ROBO2: variants seen among roughly 807,000 people sequenced by gnomAD.
ROBO2 encodes the protein roundabout homolog 2.
In ROBO2, 53 loss-of-function variants were observed where a neutral mutation model predicts 160.8. The observed-to-expected ratio is 0.33, with a 90% CI of 0.26 to 0.41. The LOEUF is 0.41. ROBO2 is among the 10% of genes least tolerant of loss of function. The pLI is 1.00. For missense variants in ROBO2, 1,577 were observed against 1,722.4 expected (o/e 0.92, Z 1.49); for synonymous variants, 664 against 611.7 (o/e 1.09, Z -1.26).
chr3:77,196,373 A>G (rs11918302), intron 2 of ROBO2, among the ~76,000 whole-genome samples: 1,903 of 151,326 alleles, frequency 0.013, 37 homozygotes, highest in African/African-American at 0.043. Context: ...AGAACAGAGA[A>G]TTCGCAAACC....
chr3:75,962,126 C>G (rs1948938469), intron 2 of ROBO2, among the ~76,000 whole-genome samples: 1 of 151,240 alleles, frequency 6.6e-6, no homozygotes, highest in African/African-American at 2.4e-5. Flanking sequence ...AGAGAAGTTT[C>G]TAATAATTCT....
chr3:76,540,648 T>C (rs564168084), intron 2 of ROBO2, among the ~76,000 whole-genome samples: 187 of 152,322 alleles, frequency 1.2e-3, no homozygotes, highest in African/African-American at 4.3e-3. Flanking sequence ...AGGTAGTCCA[T>C]GCAGTGAACA....
At chr3:76,390,355 ATAAAC>A (rs2077089862) in intron 2 of ROBO2, among the ~76,000 whole-genome samples, 1 of 152,136 alleles carries the variant, frequency 6.6e-6, no homozygotes, top group African/African-American at 2.4e-5. Flanking sequence ...AACTATATAT[ATAAAC>A]TATTCTGTAT....
At chr3:76,646,652 T>A (rs2090983742) in intron 2 of ROBO2, among the ~76,000 whole-genome samples, 1 of 152,164 alleles carries the variant, frequency 6.6e-6, no homozygotes, top group Non-Finnish European at 1.5e-5. Context: ...AAAGTTTCCA[T>A]GATATACATG....
intron 2 of ROBO2, among the ~76,000 whole-genome samples, chr3:76,044,599 A>G (rs757464314): frequency 7.9e-5 from 12 of 151,882 alleles, no homozygotes; most frequent in Non-Finnish European, 1.6e-4. Flanking sequence ...TTTTGTTTCT[A>G]TTATGCCCCA....
intron 2 of ROBO2, among the ~76,000 whole-genome samples, chr3:76,494,736 T>C (rs1371828743): frequency 6.6e-6 from 1 of 152,184 alleles, no homozygotes; most frequent in Non-Finnish European, 1.5e-5. Flanking sequence ...CTGTTACTCT[T>C]GTGCTGTAAT....
chr3:75,981,586 G>C (rs201856291), intron 2 of ROBO2, among the ~76,000 whole-genome samples: 1 of 10,138 alleles, frequency 9.9e-5, no homozygotes, highest in African/African-American at 1.4e-4. Flanking sequence ...GTAACAAACT[G>C]TAATATAAAA....
chr3:76,118,769 A>G (rs1156847999), intron 2 of ROBO2, among the ~76,000 whole-genome samples: 1 of 152,126 alleles, frequency 6.6e-6, no homozygotes, highest in Non-Finnish European at 1.5e-5. Context: ...GCAATTTATG[A>G]TTTCCTTCAA....
At chr3:76,506,922 C>T (rs1259511766) in intron 2 of ROBO2, among the ~76,000 whole-genome samples, 1 of 152,064 alleles carries the variant, frequency 6.6e-6, no homozygotes, top group Non-Finnish European at 1.5e-5. Context: ...TTATTTTTGA[C>T]AATCTTAGTC....
intron 2 of ROBO2, among the ~76,000 whole-genome samples, chr3:76,576,203 G>T (rs957625673): frequency 1.3e-5 from 2 of 152,058 alleles, no homozygotes; most frequent in Non-Finnish European, 2.9e-5. Context: ...AACTTTTGTT[G>T]AATTTCTTAG....
At chr3:76,182,636 C>T (rs546667572) in intron 2 of ROBO2, among the ~76,000 whole-genome samples, 2 of 152,214 alleles carry the variant, frequency 1.3e-5, no homozygotes, top group South Asian at 4.1e-4. Flanking sequence ...ATTGTGCTCT[C>T]TTACACTTAA....
At chr3:76,341,987 A>T (rs181471293) in intron 2 of ROBO2, among the ~76,000 whole-genome samples, 2 of 152,172 alleles carry the variant, frequency 1.3e-5, no homozygotes, top group African/African-American at 2.4e-5. Flanking sequence ...ATACTTTGGT[A>T]TAAAATTTGG....
intron 2 of ROBO2, among the ~76,000 whole-genome samples, chr3:77,181,831 A>G (rs1579720051): frequency 6.6e-6 from 1 of 152,106 alleles, no homozygotes; most frequent in African/African-American, 2.4e-5. Flanking sequence ...GTCTCATATC[A>G]ATTACGTAAC....
intron 2 of ROBO2, among the ~76,000 whole-genome samples, chr3:76,796,511 A>AGAAGGAAGGAAGGAAGGAAG (rs144512442): frequency 9.2e-4 from 133 of 144,576 alleles, no homozygotes; most frequent in African/African-American, 3.3e-3. Flanking sequence ...AAAGAAGGAA[A>AGAAGGAAGGAAGGAAGGAAG]GAAGGAAGGA....
At chr3:76,184,963 C>G (rs1173204413) in intron 2 of ROBO2, among the ~76,000 whole-genome samples, 1 of 151,802 alleles carries the variant, frequency 6.6e-6, no homozygotes, top group Non-Finnish European at 1.5e-5. Flanking sequence ...TGGCTCTTCT[C>G]TACCTAGTCC....
intron 2 of ROBO2, among the ~76,000 whole-genome samples, chr3:76,480,419 T>A (rs1232108226): frequency 6.6e-6 from 1 of 152,150 alleles, no homozygotes; most frequent in Non-Finnish European, 1.5e-5. Context: ...AGGAGAACAC[T>A]GTCATATATT....
chr3:76,304,739 TTTCTTTCC>T (rs1274044977), intron 2 of ROBO2, among the ~76,000 whole-genome samples: 5 of 83,210 alleles, frequency 6.0e-5, no homozygotes, highest in African/African-American at 2.0e-4. Flanking sequence ...TTTCTTTTCT[TTTCTTTCC>T]TTCTTTCTTT....
At chr3:76,326,602 C>A (rs1316088399) in intron 2 of ROBO2, among the ~76,000 whole-genome samples, 2 of 150,858 alleles carry the variant, frequency 1.3e-5, no homozygotes, top group Non-Finnish European at 2.9e-5. Flanking sequence ...GAATTATTAT[C>A]TTTTATTTAT....
At chr3:77,531,386 A>G (rs2091715476) in intron 6 of ROBO2, among the ~76,000 whole-genome samples, 1 of 110,660 alleles carries the variant, frequency 9.0e-6, no homozygotes, top group African/African-American at 3.8e-5. Context: ...TACTCTAAAC[A>G]GAAATCTACA....
Sources: allele counts gnomAD v4.1 joint callset (sites outside exome capture counted in the v4.1 genomes callset), GRCh38; gene constraint gnomAD v4.1.1; transcripts MANE v1.5; gene names NCBI Gene and HGNC (gene_info 2026-07-23, HGNC 2026-07-21).